The following SAMMSON variants were observed in gnomAD, a reference collection of about 807,000 sequenced individuals.
SAMMSON encodes the protein long intergenic non-protein coding RNA 1212.
intron 4 of SAMMSON, among the ~76,000 whole-genome samples, chr3:70,104,499 G>A (rs2067359162): frequency 6.6e-6 from 1 of 152,116 alleles, no homozygotes. Flanking sequence ...AATATGTAAA[G>A]TTTAAAACGA....
intron 1 of SAMMSON, among the ~76,000 whole-genome samples, chr3:70,011,494 C>G (rs1382395996): frequency 6.6e-6 from 1 of 151,854 alleles, no homozygotes; most frequent in Non-Finnish European, 1.5e-5. Flanking sequence ...TATAATTTGT[C>G]TGTAAATTTA....
At chr3:70,056,772 C>A (rs1054742762) in intron 3 of SAMMSON, among the ~76,000 whole-genome samples, 1 of 151,896 alleles carries the variant, frequency 6.6e-6, no homozygotes, top group Non-Finnish European at 1.5e-5. Context: ...AGATAAACAG[C>A]CCTAATCCAG....
intron 4 of SAMMSON, among the ~76,000 whole-genome samples, chr3:70,239,052 T>C (rs1416125306): frequency 6.6e-6 from 1 of 152,138 alleles, no homozygotes; most frequent in Non-Finnish European, 1.5e-5. Flanking sequence ...GGCTTAAAAT[T>C]GGAGGCTGAA....
At chr3:70,376,047 C>T (rs969131948) in intron 9 of SAMMSON, among the ~76,000 whole-genome samples, 2 of 152,140 alleles carry the variant, frequency 1.3e-5, no homozygotes, top group Non-Finnish European at 2.9e-5. Context: ...GAGACGTTTT[C>T]ATATGGAGGT....
At chr3:70,125,233 T>C (rs2067451972) in intron 4 of SAMMSON, 6 of 1,344,458 alleles carry the variant, frequency 4.5e-6, no homozygotes, top group African/African-American at 2.9e-5. Flanking sequence ...TCATACGACC[T>C]TCTTTCATCA....
intron 7 of SAMMSON, among the ~76,000 whole-genome samples, chr3:70,317,652 A>G (rs918309190): frequency 9.9e-5 from 15 of 151,604 alleles, no homozygotes; most frequent in Non-Finnish European, 1.5e-5. Flanking sequence ...ACGCGTGTAT[A>G]GAAACACACT....
chr3:70,335,413 C>G (rs1327377752), intron 7 of SAMMSON, among the ~76,000 whole-genome samples: 5 of 151,902 alleles, frequency 3.3e-5, no homozygotes. Context: ...AATATACCAG[C>G]ACACAATCAT....
intron 3 of SAMMSON, among the ~76,000 whole-genome samples, chr3:70,029,115 A>G (rs910296846): frequency 6.6e-6 from 1 of 152,286 alleles, no homozygotes; most frequent in Non-Finnish European, 1.5e-5. Context: ...GCATCACAGC[A>G]TGTGATAGGA....
intron 4 of SAMMSON, among the ~76,000 whole-genome samples, chr3:70,142,588 T>G (rs1431533651): frequency 1.3e-5 from 2 of 152,084 alleles, no homozygotes; most frequent in African/African-American, 4.8e-5. Context: ...GGGTGCAGTG[T>G]ATACTGCTCG....
chr3:70,319,921 T>C (rs1451494823), intron 7 of SAMMSON, among the ~76,000 whole-genome samples: 1 of 152,054 alleles, frequency 6.6e-6, no homozygotes, highest in Non-Finnish European at 1.5e-5. Context: ...GGGAAAATAC[T>C]AGAACAGAAT....
chr3:70,221,964 T>G (rs1471449895), intron 4 of SAMMSON, among the ~76,000 whole-genome samples: 4 of 152,204 alleles, frequency 2.6e-5, no homozygotes, highest in Admixed American at 2.6e-4. Flanking sequence ...CATTCCCTTT[T>G]AAGCACCTTG....
chr3:70,389,815 C>A lies in SAMMSON; in HGVS notation n.1155C>A, dbSNP rs1701029836. ...TCATTGGAAATACCAGTGTGGATGT[C>A]ATTTGCGATTTGGTAGATAGTAATC... On this transcript the variant is annotated non_coding_transcript_exon_variant, in exon 10 of 10. Coordinates refer to ENST00000642114, the Ensembl canonical transcript of SAMMSON. 2 of 152,092 alleles carry A rather than the reference C, an allele frequency of 1.3e-5. 1 individual carries two copies. The highest frequency in any genetic ancestry group is 4.1e-4 in the South Asian group (2 of 4,826). 9.4% of individuals were successfully genotyped at this position (152,092 alleles called of 1,614,324 possible). A position where few individuals can be genotyped will look rare whatever the true frequency, so the allele number is the denominator to read the frequency against.
At chr3:70,274,962 A>T (rs1489575152) in intron 6 of SAMMSON, among the ~76,000 whole-genome samples, 2 of 152,128 alleles carry the variant, frequency 1.3e-5, no homozygotes, top group African/African-American at 4.8e-5. Flanking sequence ...AAAATCTATT[A>T]CTGTTTGAAA....
intron 9 of SAMMSON, among the ~76,000 whole-genome samples, chr3:70,385,710 T>A (rs2071636021): frequency 6.6e-6 from 1 of 152,068 alleles, no homozygotes; most frequent in Admixed American, 6.6e-5. Context: ...CAGAGTCCCT[T>A]CATAATTATC....
At chr3:70,016,901 A>G (rs1467996624) in intron 3 of SAMMSON, among the ~76,000 whole-genome samples, 1 of 152,056 alleles carries the variant, frequency 6.6e-6, no homozygotes, top group Non-Finnish European at 1.5e-5. Flanking sequence ...GGTTGTAGAT[A>G]TGCGGCATTA....
intron 7 of SAMMSON, among the ~76,000 whole-genome samples, chr3:70,296,165 A>G (rs1489183073): frequency 6.6e-6 from 1 of 152,212 alleles, no homozygotes; most frequent in Non-Finnish European, 1.5e-5. Flanking sequence ...AATAAGACAA[A>G]CATAAAACGA....
At chr3:70,390,912 C>T (rs1701041267), downstream of SAMMSON, among the ~76,000 whole-genome samples, 2 of 152,012 alleles carry the variant, frequency 1.3e-5, no homozygotes, top group South Asian at 4.1e-4. Flanking sequence ...ACATTATAAA[C>T]AAAAATTTGT....
intron 7 of SAMMSON, among the ~76,000 whole-genome samples, chr3:70,342,828 C>A (rs1702721824): frequency 6.6e-6 from 1 of 152,102 alleles, no homozygotes; most frequent in Non-Finnish European, 1.5e-5. Context: ...CTTTGAATTT[C>A]TCTCCCTTGC....
chr3:70,249,896 G>A (rs1701744434), intron 6 of SAMMSON, among the ~76,000 whole-genome samples: 1 of 152,082 alleles, frequency 6.6e-6, no homozygotes, highest in Non-Finnish European at 1.5e-5. Context: ...TTCTTGAGGG[G>A]GCAAGAGAAT....
Sources: allele counts gnomAD v4.1 joint callset (sites outside exome capture counted in the v4.1 genomes callset), GRCh38; gene constraint gnomAD v4.1.1; transcripts MANE v1.5; gene names NCBI Gene and HGNC (gene_info 2026-07-23, HGNC 2026-07-21).